CHRNA7: variants seen among roughly 807,000 people sequenced by gnomAD.
CHRNA7 encodes cholinergic receptor nicotinic alpha 7 subunit.
A neutral mutation model predicts 48.0 loss-of-function variants in CHRNA7; 17 were observed. The observed-to-expected ratio is 0.35, with a 90% confidence interval of 0.24 to 0.53. The LOEUF (loss-of-function observed/expected upper bound fraction) is 0.53. Among genes scored for constraint, CHRNA7 ranks in the 20% least tolerant of loss-of-function variants. The pLI is 0.92. For missense variants in CHRNA7, 155 were observed against 577.7 expected, an observed-to-expected ratio of 0.27 and a Z score of 7.50; for synonymous variants, 75 against 242.3, an observed-to-expected ratio of 0.31 and a Z score of 6.41.
intron 2 of CHRNA7, among the ~76,000 whole-genome samples, chr15:32,036,510 C>T (rs1902095635): frequency 6.6e-6 from 1 of 152,198 alleles, no homozygotes; most frequent in Admixed American, 6.5e-5. Context: ...AAATCACAGA[C>T]TATCTCCCAA....
Position 32,170,424 on chromosome 15 carries a change from CG to C in CHRNA7, c.*1968del, listed in dbSNP as rs1263485618. On this transcript the variant is annotated 3_prime_UTR_variant, in exon 10 of 10. Coordinates refer to ENST00000306901, the MANE Select transcript of CHRNA7 (RefSeq NM_000746.6). ...ATGGATGAACCATGCACAAGATTTTCGGTTTTTTTTTTTTTTTCTGTTACAG... is the reference window on the plus strand; with the variant it reads ...ATGGATGAACCATGCACAAGATTTTCGTTTTTTTTTTTTTTTCTGTTACAG... 2.3e-3 allele frequency: 210 copies of C among 91,500 alleles called. No individual in the cohort carries two copies. Among genetic ancestry groups the C allele is most frequent in the Non-Finnish European group, 3.7e-3 (154 of 41,134 alleles). The allele number at this position is 91,500 out of a possible 1,614,324, so 5.7% of individuals were successfully genotyped here.
intron 2 of CHRNA7, among the ~76,000 whole-genome samples, chr15:32,051,128 C>T (rs1035527085): frequency 2.6e-5 from 4 of 151,090 alleles, no homozygotes; most frequent in South Asian, 2.1e-4. Flanking sequence ...GCAGTCTGCC[C>T]GTTCTCAGAT....
At chr15:32,097,445 C>T (rs558275769) in intron 2 of CHRNA7, among the ~76,000 whole-genome samples, 2 of 152,230 alleles carry the variant, frequency 1.3e-5, no homozygotes, top group East Asian at 1.9e-4. Context: ...CCAGAGACCT[C>T]CCGCGCCCCT....
At chr15:32,142,985 T>A (rs2051412738) in intron 4 of CHRNA7, among the ~76,000 whole-genome samples, 1 of 152,190 alleles carries the variant, frequency 6.6e-6, no homozygotes, top group Non-Finnish European at 1.5e-5. Context: ...TGCTTTTGCT[T>A]CTCTAGTTCT....
intron 7 of CHRNA7, 54 bp downstream of exon 7, chr15:32,158,660 TC>T (rs2051820072): frequency 7.7e-7 from 1 of 1,299,318 alleles, no homozygotes; most frequent in Non-Finnish European, 1.1e-6. Flanking sequence ...TCTGCTGAGA[TC>T]AGCTCTGGAG....
At position 32,038,730 on chromosome 15, in the gene CHRNA7, T is replaced by C. The variant is rs72713534; in HGVS notation, c.195+7693T>C. Among the ~76,000 whole-genome samples the C allele has an allele frequency of 8.3e-3, 1,262 of 152,318 alleles. 9 individuals carry two copies. The highest frequency in any genetic ancestry group is 0.017 in the Middle Eastern group (5 of 294). Reference sequence around the variant, plus strand: ...AGTGATACTGGTTTGTGGTTATCTTTTCTTAGAATGTCTTTATCTGCCATT... The same window carrying C: ...AGTGATACTGGTTTGTGGTTATCTTCTCTTAGAATGTCTTTATCTGCCATT... On this transcript the variant is annotated intron_variant, in intron 2 of 9. Transcript: ENST00000306901.
chr15:32,095,197 C>T (rs879582976), intron 2 of CHRNA7, among the ~76,000 whole-genome samples: 6 of 152,144 alleles, frequency 3.9e-5, no homozygotes, highest in Admixed American at 2.0e-4. Flanking sequence ...GAGGTAGAGC[C>T]GAGCTCTGTA....
intron 2 of CHRNA7, among the ~76,000 whole-genome samples, chr15:32,031,276 C>T (rs1436315425): frequency 6.6e-6 from 1 of 152,202 alleles, no homozygotes; most frequent in Non-Finnish European, 1.5e-5. Context: ...CCCTGGCCAC[C>T]TGTGCATGGT....
chr15:32,043,250 T>TAA (rs5811676), intron 2 of CHRNA7, among the ~76,000 whole-genome samples: 87 of 152,212 alleles, frequency 5.7e-4, no homozygotes, highest in Admixed American at 1.4e-3. Context: ...AAAACCATTT[T>TAA]AAAAATGTGT....
intron 2 of CHRNA7, among the ~76,000 whole-genome samples, chr15:32,091,961 T>C (rs1239491202): frequency 3.6e-4 from 2 of 5,514 alleles, no homozygotes; most frequent in Non-Finnish European, 0.029. Context: ...TAGAGTCTCC[T>C]GTTTTCTAGG....
chr15:32,157,649 C>T lies in CHRNA7; in HGVS notation c.472C>T (p.Pro158Ser). 1 of 1,082,340 alleles carries T rather than the reference C, an allele frequency of 9.2e-7. No homozygotes were observed. Among genetic ancestry groups the T allele is most frequent in the Non-Finnish European group, 1.3e-6 (1 of 756,110 alleles). 67.0% of individuals were successfully genotyped at this position (1,082,340 alleles called of 1,614,324 possible). A position where few individuals can be genotyped will look rare whatever the true frequency, so the allele number is the denominator to read the frequency against. ...SSCYIDVRWFPFDVQHCKLKF... is the reference protein window; with the variant it reads ...SSCYIDVRWFSFDVQHCKLKF... ...CTGCTACATCGATGTACGCTGGTTT[C>T]CCTTTGATGTGCAGCACTGCAAACT... Residue 158 changes from proline (P) to serine (S), a missense_variant, in exon 6 of 10, where the codon CCC becomes TCC. Coordinates refer to ENST00000306901, the MANE Select transcript of CHRNA7 (RefSeq NM_000746.6).
chr15:32,122,452 C>T (rs2050987972), intron 4 of CHRNA7, among the ~76,000 whole-genome samples: 1 of 152,140 alleles, frequency 6.6e-6, no homozygotes, highest in Non-Finnish European at 1.5e-5. Context: ...TTACTCTAGT[C>T]ATCTTTTCAC....
chr15:32,084,878 G>A (rs1188943174), intron 2 of CHRNA7, among the ~76,000 whole-genome samples: 1 of 150,394 alleles, frequency 6.6e-6, no homozygotes, highest in African/African-American at 2.5e-5. Flanking sequence ...TGTGGCCCAG[G>A]CTGGAGTGTA....
chr15:32,059,836 G>A (rs1204850984), intron 2 of CHRNA7, among the ~76,000 whole-genome samples: 1 of 148,954 alleles, frequency 6.7e-6, no homozygotes, highest in African/African-American at 2.5e-5. Flanking sequence ...AGTACATCAG[G>A]TGTAAGGAAA....
At chr15:32,137,044 A>AATAAAAAT (rs1566865823) in intron 4 of CHRNA7, among the ~76,000 whole-genome samples, 8 of 147,884 alleles carry the variant, frequency 5.4e-5, no homozygotes, top group African/African-American at 1.7e-4. Context: ...AAAAAAAAAA[A>AATAAAAAT]AAGAAAAAAA....
intron 2 of CHRNA7, among the ~76,000 whole-genome samples, chr15:32,053,013 A>C (rs1177815086): frequency 6.6e-6 from 1 of 152,180 alleles, no homozygotes; most frequent in Non-Finnish European, 1.5e-5. Flanking sequence ...TATTAGATAT[A>C]AATAAAAAAA....
At chr15:32,142,837 C>T (rs555803527) in intron 4 of CHRNA7, among the ~76,000 whole-genome samples, 3 of 152,118 alleles carry the variant, frequency 2.0e-5, no homozygotes, top group African/African-American at 7.2e-5. Flanking sequence ...TGCTAGCGGT[C>T]TGTCTATTTT....
intron 2 of CHRNA7, among the ~76,000 whole-genome samples, chr15:32,089,857 T>C (rs1032252597): frequency 6.6e-6 from 1 of 152,180 alleles, no homozygotes; most frequent in Non-Finnish European, 1.5e-5. Flanking sequence ...TGGGCTTTAT[T>C]TGATGTTTGC....
chr15:32,064,767 C>T (rs1388499991), intron 2 of CHRNA7, among the ~76,000 whole-genome samples: 1 of 152,070 alleles, frequency 6.6e-6, no homozygotes, highest in African/African-American at 2.4e-5. Flanking sequence ...CATTCTTAAC[C>T]CACCTCTGTT....
Sources: gnomAD v4.1 joint callset for allele counts (sites outside exome capture counted in the v4.1 genomes callset) on GRCh38, gnomAD v4.1.1 for gene constraint, MANE v1.5 for transcripts, NCBI Gene and HGNC (gene_info 2026-07-23, HGNC 2026-07-21) for gene names.